CNKSR3: variants seen among roughly 807,000 people sequenced by gnomAD.
CNKSR3 encodes CNKSR family member 3, also known as connector enhancer of kinase suppressor of ras 3.
Under a neutral mutation model 67.7 loss-of-function variants are expected in CNKSR3, and 36 were observed. The observed-to-expected ratio is 0.53, with a 90% confidence interval of 0.41 to 0.70. CNKSR3 has a LOEUF of 0.70. Among genes scored for constraint, CNKSR3 ranks in the 30% least tolerant of loss-of-function variants. The pLI, the probability that CNKSR3 is intolerant of heterozygous loss-of-function variation, is 0.00. For missense variants in CNKSR3, 630 were observed against 695.2 expected, an observed-to-expected ratio of 0.91 and a Z score of 1.05; for synonymous variants, 281 against 271.4, an observed-to-expected ratio of 1.04 and a Z score of -0.35.
At chr6:154,444,840 C>T (rs1345861725) in intron 2 of CNKSR3, among the ~76,000 whole-genome samples, 1 of 152,062 alleles carries the variant, frequency 6.6e-6, no homozygotes, top group Non-Finnish European at 1.5e-5. Context: ...CTCCTGACCT[C>T]ATGATCCGCC....
Position 154,400,177 on chromosome 6 carries a change from T to A in CNKSR3, c.*6177A>T, listed in dbSNP as rs1421333682. The A allele has an allele frequency of 6.6e-6, 1 of 152,186 alleles. No homozygotes were observed. Among genetic ancestry groups the A allele is most frequent in the African/African-American group, 2.4e-5 (1 of 41,448 alleles). The allele number at this position is 152,186 out of a possible 1,614,324, so 9.4% of individuals were successfully genotyped here. On this transcript the variant is annotated 3_prime_UTR_variant, in exon 13 of 13. Transcript: ENST00000607772. Reference sequence around the variant, plus strand: ...GTAAAGGAGGCCAGCAAGTAACAGGTTGGCTGTGAGCGTGACATGAATGCT... The same window carrying A: ...GTAAAGGAGGCCAGCAAGTAACAGGATGGCTGTGAGCGTGACATGAATGCT...
At chr6:154,490,445 T>A (rs1786763125) in intron 1 of CNKSR3, among the ~76,000 whole-genome samples, 1 of 152,236 alleles carries the variant, frequency 6.6e-6, no homozygotes, top group Admixed American at 6.5e-5. Flanking sequence ...ATATGATATA[T>A]AATATGCATA....
At chr6:154,410,879 G>A in intron 11 of CNKSR3, 55 bp downstream of exon 11, 2 of 1,376,930 alleles carry the variant, frequency 1.5e-6, no homozygotes, top group African/African-American at 1.4e-5. Flanking sequence ...AAGGCAGGGG[G>A]CGGGGAGGAG....
At chr6:154,419,799 G>A (rs564472813) in intron 9 of CNKSR3, among the ~76,000 whole-genome samples, 4 of 152,290 alleles carry the variant, frequency 2.6e-5, no homozygotes, top group African/African-American at 4.8e-5. Context: ...GGAAATGCTC[G>A]TGGGGCATGG....
In CNKSR3 at chr6:154,406,449, T is replaced by C; in HGVS notation, c.1573A>G (p.Lys525Glu). ...ATIPFQEEGT[K>E]KKSGSSATKS... ...GTAGCTGAGGAGCCAGATTTCTTTTTGGTCCCTTCCTCCTGGAATGGAATC... is the reference window on the plus strand; with the variant it reads ...GTAGCTGAGGAGCCAGATTTCTTTTCGGTCCCTTCCTCCTGGAATGGAATC... The change falls in exon 13 of 13, where the codon AAA becomes GAA. Residue 525 changes from lysine (K) to glutamate (E), a missense_variant. Coordinates refer to ENST00000607772, the MANE Select transcript of CNKSR3 (RefSeq NM_173515.4). The C allele has an allele frequency of 1.2e-6, 2 of 1,614,196 alleles. No homozygotes were observed. The highest frequency in any genetic ancestry group is 1.7e-6 in the Non-Finnish European group (2 of 1,180,040).
chr6:154,494,763 T>C (rs1786845866), intron 1 of CNKSR3, among the ~76,000 whole-genome samples: 1 of 152,118 alleles, frequency 6.6e-6, no homozygotes, highest in Admixed American at 6.6e-5. Context: ...TCCTCCCCTG[T>C]CAGTATTCTA....
At chr6:154,509,787 C>T (rs1165771055) in intron 1 of CNKSR3, among the ~76,000 whole-genome samples, 1 of 152,168 alleles carries the variant, frequency 6.6e-6, no homozygotes, top group Non-Finnish European at 1.5e-5. Context: ...ATCGGCATCC[C>T]CAGCCCTCAA....
chr6:154,463,205 G>A (rs555911460), intron 1 of CNKSR3, among the ~76,000 whole-genome samples: 1 of 151,602 alleles, frequency 6.6e-6, no homozygotes, highest in Non-Finnish European at 1.5e-5. Flanking sequence ...GAGTAGCTGG[G>A]ACTACAGGCG....
rs9478547 is a variant in CNKSR3 at position 154,450,513 on chromosome 6, G to A, written c.53-255C>T. On this transcript the variant is annotated intron_variant, in intron 1 of 12. Coordinates refer to ENST00000607772, the MANE Select transcript of CNKSR3 (RefSeq NM_173515.4). ...ACCTTCTCATTCCCTGTAAACTAAAGGAATAAACACCAAACCCCTGTTGAC... is the reference window on the plus strand; with the variant it reads ...ACCTTCTCATTCCCTGTAAACTAAAAGAATAAACACCAAACCCCTGTTGAC... 5.4e-3 allele frequency among the ~76,000 whole-genome samples: 825 copies of A among 152,274 alleles called. 9 individuals are homozygous for A. The highest frequency in any genetic ancestry group is 0.019 in the African/African-American group (772 of 41,548).
chr6:154,477,256 G>A (rs79352054), intron 1 of CNKSR3, among the ~76,000 whole-genome samples: 6,180 of 151,970 alleles, frequency 0.041, 195 homozygotes, highest in African/African-American at 0.089. Flanking sequence ...GAATACCTGG[G>A]CAGCTATCAG....
intron 1 of CNKSR3, among the ~76,000 whole-genome samples, chr6:154,459,074 AAAAG>A (rs1786020497): frequency 6.6e-6 from 1 of 152,018 alleles, no homozygotes; most frequent in South Asian, 2.1e-4. Context: ...AAAGAAGAAA[AAAAG>A]AAAGAGAAAG....
chr6:154,481,315 CT>C (rs1248517253), intron 1 of CNKSR3, among the ~76,000 whole-genome samples: 1 of 150,980 alleles, frequency 6.6e-6, no homozygotes, highest in African/African-American at 2.4e-5. Flanking sequence ...CTTATTTATG[CT>C]TATTTGATAT....
At chr6:154,493,021 T>C (rs949402211) in intron 1 of CNKSR3, among the ~76,000 whole-genome samples, 1 of 152,174 alleles carries the variant, frequency 6.6e-6, no homozygotes, top group African/African-American at 2.4e-5. Context: ...ACCATTATCA[T>C]TTTTAAATGT....
At chr6:154,478,122 G>C (rs1786491738) in intron 1 of CNKSR3, among the ~76,000 whole-genome samples, 1 of 152,180 alleles carries the variant, frequency 6.6e-6, no homozygotes, top group Non-Finnish European at 1.5e-5. Context: ...GGTGAGTACA[G>C]CCTGAATGAC....
chr6:154,448,940 T>C (rs1039154631), intron 2 of CNKSR3, among the ~76,000 whole-genome samples: 3 of 152,234 alleles, frequency 2.0e-5, no homozygotes, highest in Non-Finnish European at 4.4e-5. Flanking sequence ...GCCTGAATGC[T>C]GTCGAGTTTG....
intron 9 of CNKSR3, 190 bp from the exon 10 acceptor site, chr6:154,414,613 G>C (rs1784980343): frequency 1.5e-6 from 1 of 679,062 alleles, no homozygotes; most frequent in African/African-American, 1.8e-5. Flanking sequence ...TGAGCTGAGG[G>C]ATTTGAATGA....
At chr6:154,500,432 G>C (rs1786973874) in intron 1 of CNKSR3, among the ~76,000 whole-genome samples, 1 of 152,122 alleles carries the variant, frequency 6.6e-6, no homozygotes, top group South Asian at 2.1e-4. Flanking sequence ...CTGATAGAAA[G>C]CACGTAGGGG....
intron 4 of CNKSR3, among the ~76,000 whole-genome samples, chr6:154,439,635 T>C (rs1436830542): frequency 6.6e-6 from 1 of 152,198 alleles, no homozygotes; most frequent in Non-Finnish European, 1.5e-5. Flanking sequence ...CTTATGCCTG[T>C]AATCTCAGTG....
chr6:154,480,087 T>A (rs760490873), intron 1 of CNKSR3, among the ~76,000 whole-genome samples: 4 of 152,232 alleles, frequency 2.6e-5, no homozygotes, highest in Non-Finnish European at 4.4e-5. Flanking sequence ...CGGAAAGTTA[T>A]CTATGGTGTA....
Sources: allele counts gnomAD v4.1 joint callset (sites outside exome capture counted in the v4.1 genomes callset), GRCh38; gene constraint gnomAD v4.1.1; transcripts MANE v1.5; gene names NCBI Gene and HGNC (gene_info 2026-07-23, HGNC 2026-07-21).